The following ITGA11 variants were observed in gnomAD, a reference collection of about 807,000 sequenced individuals.
ITGA11 encodes the protein integrin alpha-11.
A neutral mutation model predicts 141.9 loss-of-function variants in ITGA11; 97 were observed. The observed-to-expected ratio is 0.68, with a 90% CI of 0.58 to 0.81. The LOEUF is 0.81. Among genes scored for constraint, ITGA11 ranks in the 30% least tolerant of loss-of-function variants. The pLI is 0.00. For synonymous variants in ITGA11, 658 were observed against 624.6 expected (o/e 1.05, Z -0.80); for missense variants, 1,387 against 1,559.2 (o/e 0.89, Z 1.86).
At position 68,369,172 on chromosome 15, in the gene ITGA11, A is replaced by G. The variant is rs1467280923; in HGVS notation, c.265+12T>C. The G allele has an allele frequency of 3.7e-6, 6 of 1,600,880 alleles. No individual in the cohort carries two copies. The Admixed American group carries it at 1.0e-4, about 27-fold the overall frequency. ...CTGGCCTCATTGTGAAGAGACCACC[A>G]GCCCACGTTACCCAGGTTGAGTTTG... On this transcript the variant is annotated intron_variant, in intron 3 of 29. Transcript: ENST00000315757.
chr15:68,419,000 G>A (rs1327480003), intron 1 of ITGA11, among the ~76,000 whole-genome samples: 1 of 152,038 alleles, frequency 6.6e-6, no homozygotes, highest in African/African-American at 2.4e-5. Context: ...GGGCCAGTCT[G>A]CCCTGCTCTT....
At chr15:68,388,212 G>A (rs538053052) in intron 2 of ITGA11, among the ~76,000 whole-genome samples, 1 of 152,070 alleles carries the variant, frequency 6.6e-6, no homozygotes, top group Non-Finnish European at 1.5e-5. Context: ...GCCTCCTTCT[G>A]CTCTTGCCCT....
intron 4 of ITGA11, among the ~76,000 whole-genome samples, chr15:68,362,704 GTGAATGGATGGACAGATAGA>G (rs1895284567): frequency 6.6e-6 from 1 of 152,108 alleles, no homozygotes; most frequent in South Asian, 2.1e-4. Flanking sequence ...ATGGATAGAT[GTGAATGGATGGACAGATAGA>G]TGAATGGATA....
chr15:68,303,670 C>A lies in ITGA11; in HGVS notation c.3495+102G>T. 1.3e-6 allele frequency: 1 copy of A among 753,368 alleles called. No homozygotes were observed. The highest frequency in any genetic ancestry group is 1.7e-5 in the South Asian group (1 of 57,560). The allele number at this position is 753,368 out of a possible 1,614,324, so 46.7% of individuals were successfully genotyped here. On this transcript the variant is annotated intron_variant, in intron 29 of 29. Transcript: ENST00000315757. This position sits in a 1 kb window ranked among gnomAD's most constrained non-coding sequence, Gnocchi z 5.3. ...TGGCGAGGGGTGGGGTGCCAGCTCC[C>A]CTGGAGAGGAGAACGTGGCAGCGGC...
At chr15:68,408,805 G>C (rs1270950878) in intron 1 of ITGA11, among the ~76,000 whole-genome samples, 1 of 152,088 alleles carries the variant, frequency 6.6e-6, no homozygotes, top group African/African-American at 2.4e-5. Flanking sequence ...ATCCTGCCAG[G>C]CTCCTTGAGA....
intron 10 of ITGA11, among the ~76,000 whole-genome samples, chr15:68,344,197 C>T (rs1474613680): frequency 1.3e-5 from 2 of 152,086 alleles, no homozygotes; most frequent in Non-Finnish European, 2.9e-5. Context: ...ACCTCAGCTG[C>T]TGTGTCCTGG....
rs904722615 is a variant in ITGA11 at position 68,299,372 on chromosome 15, A to C, written c.*3687T>G. ...GCCAGTTAGGCCTGGCTGTCCTTTG[A>C]GAAGAACCTAGTTGATGTTAATATT... On this transcript the variant is annotated 3_prime_UTR_variant, in exon 30 of 30. Transcript: ENST00000315757. 2 of 152,094 alleles carry C rather than the reference A, an allele frequency of 1.3e-5. 1 individual carries two copies. Among genetic ancestry groups the C allele is most frequent in the South Asian group, 4.2e-4 (2 of 4,818 alleles). The allele number at this position is 152,094 out of a possible 1,614,324, so 9.4% of individuals were successfully genotyped here. A position where few individuals can be genotyped will look rare whatever the true frequency, so the allele number is the denominator to read the frequency against.
At chr15:68,399,129 A>G (rs1896401149) in intron 2 of ITGA11, among the ~76,000 whole-genome samples, 2 of 151,832 alleles carry the variant, frequency 1.3e-5, no homozygotes, top group South Asian at 4.1e-4. Flanking sequence ...CAATCTTGCC[A>G]AAGAAAAACA....
In ITGA11 at chr15:68,302,299, A is replaced by T. The variant is rs949352837; in HGVS notation, c.*760T>A. ...TACCTGGGAACAAAAGTGACCCGGG[A>T]GGGTTGGCAGCTGAGAGCAAGGGGC... On this transcript the variant is annotated 3_prime_UTR_variant, in exon 30 of 30. Transcript: ENST00000315757. 6.6e-6 allele frequency: 1 copy of T among 152,238 alleles called. No homozygotes were observed. The highest frequency in any genetic ancestry group is 1.5e-5 in the Non-Finnish European group (1 of 68,136). The allele number at this position is 152,238 out of a possible 1,614,324, so 9.4% of individuals were successfully genotyped here.
intron 13 of ITGA11, 100 bp from the exon 14 acceptor site, chr15:68,332,162 C>T: frequency 7.9e-7 from 1 of 1,258,316 alleles, no homozygotes; most frequent in South Asian, 1.4e-5. Context: ...CTCACCACTC[C>T]ATTCCCCAGA....
At chr15:68,387,459 C>A (rs1567153351) in intron 2 of ITGA11, among the ~76,000 whole-genome samples, 1 of 152,194 alleles carries the variant, frequency 6.6e-6, no homozygotes, top group Non-Finnish European at 1.5e-5. Flanking sequence ...CTCACTCAGA[C>A]CTACTGAATC....
intron 2 of ITGA11, among the ~76,000 whole-genome samples, chr15:68,384,264 T>TAAA (rs61654399): frequency 1.4e-4 from 18 of 132,634 alleles, no homozygotes; most frequent in African/African-American, 1.7e-4. Flanking sequence ...GGTTTGGCAT[T>TAAA]AAAAAAAAAA....
intron 7 of ITGA11, among the ~76,000 whole-genome samples, chr15:68,354,805 C>G (rs1333684904): frequency 1.3e-5 from 2 of 152,130 alleles, no homozygotes; most frequent in East Asian, 3.9e-4. Flanking sequence ...CACAGATTAC[C>G]GACATCTTTA....
chr15:68,363,114 G>A (rs929088716), intron 4 of ITGA11, among the ~76,000 whole-genome samples: 1 of 152,180 alleles, frequency 6.6e-6, no homozygotes, highest in African/African-American at 2.4e-5. Context: ...ATGGGAGATT[G>A]ATGGTGGATC....
chr15:68,331,882 T>G lies in ITGA11; in HGVS notation c.1747A>C (p.Ser583Arg), dbSNP rs746472569. The G allele has an allele frequency of 8.7e-6, 14 of 1,612,790 alleles. No homozygotes were observed. The highest frequency in any genetic ancestry group is 1.6e-4 in the Middle Eastern group (1 of 6,084). ...ACCTGCTTAGGTGTCTTCAGGATGC[T>G]GCCTCGGAAGCCGTGGAAGATGTAG... ...AIYIFHGFRGSILKTPKQRIT... is the reference protein window; with the variant it reads ...AIYIFHGFRGRILKTPKQRIT... The change falls in exon 14 of 30, where the codon AGC becomes CGC. Residue 583 changes from serine (S) to arginine (R), a missense_variant. By Grantham distance (110) the Ser-to-Arg change is moderately radical. Coordinates refer to ENST00000315757, the MANE Select transcript of ITGA11 (RefSeq NM_001004439.2).
chr15:68,368,112 C>T (rs1223144569), intron 3 of ITGA11, among the ~76,000 whole-genome samples: 1 of 152,210 alleles, frequency 6.6e-6, no homozygotes, highest in Non-Finnish European at 1.5e-5. Flanking sequence ...CTTTTGGATG[C>T]TGACCTTTTC....
intron 2 of ITGA11, 109 bp from the exon 3 acceptor site, chr15:68,369,393 A>AGGGGGGGGAG: frequency 7.5e-6 from 1 of 133,056 alleles, no homozygotes; most frequent in Non-Finnish European, 1.5e-5. Flanking sequence ...GGAGGGTGGG[A>AGGGGGGGGAG]GGGAACCCTG....
chr15:68,303,168 A>T lies in ITGA11; in HGVS notation c.3496-38T>A. 6.6e-7 allele frequency: 1 copy of T among 1,524,660 alleles called. No homozygotes were observed. 94.4% of individuals were successfully genotyped at this position (1,524,660 alleles called of 1,614,324 possible). On this transcript the variant is annotated intron_variant, in intron 29 of 29. Transcript: ENST00000315757. This position sits in a 1 kb window ranked among gnomAD's most constrained non-coding sequence, Gnocchi z 5.3. ...AAAGGGAGACGTCTCAGAGGAGGAC[A>T]GGGTGGGCAAGGCCTGCCCCAGCTT...
chr15:68,391,795 AC>A (rs1896128255), intron 2 of ITGA11, among the ~76,000 whole-genome samples: 4 of 152,202 alleles, frequency 2.6e-5, no homozygotes, highest in Admixed American at 2.6e-4. Context: ...CTGGTCTGTG[AC>A]TTATTTGAGA....
Sources: allele counts gnomAD v4.1 joint callset (sites outside exome capture counted in the v4.1 genomes callset), GRCh38; gene constraint gnomAD v4.1.1; non-coding constraint Gnocchi (gnomAD v3.1); transcripts MANE v1.5; gene names NCBI Gene and HGNC (gene_info 2026-07-23, HGNC 2026-07-21).